Variants in CFAP47 observed in about 807,000 individuals in gnomAD.
The protein encoded by CFAP47 is cilia and flagella associated protein 47.
Under a neutral mutation model 148.1 loss-of-function variants are expected in CFAP47, and 29 were observed. That is an observed-to-expected ratio of 0.20 (90% CI 0.15 to 0.27). The LOEUF (loss-of-function observed/expected upper bound fraction) is 0.27. Ranked by LOEUF, CFAP47 falls within the 10% of genes least tolerant of loss-of-function variation. The probability of loss-of-function intolerance (pLI) is 1.00; values close to 1 mark genes in which losing one functional copy is unlikely to be tolerated. For missense variants in CFAP47, 1,872 were observed against 1,697.5 expected (o/e 1.10, Z -1.81); for synonymous variants, 664 against 577.3 (o/e 1.15, Z -2.15).
rs184822955 is a variant in CFAP47, at chrX:35,963,262, C to T, written c.1411-3303C>T. On this transcript the variant is annotated intron_variant, in intron 8 of 63. Coordinates refer to ENST00000378653, the MANE Select transcript of CFAP47 (RefSeq NM_001304548.2). ...GAGAGTCTATTGTACAGAATGGTGG[C>T]TATGGTTAATAAAAGGGTATAAATA... 5.6e-3 allele frequency among the ~76,000 whole-genome samples: 608 copies of T among 109,455 alleles called. 6 individuals carry two copies. The highest frequency in any genetic ancestry group is 0.019 in the African/African-American group (583 of 30,152).
At chrX:36,305,597 A>G (rs1556008650) in intron 54 of CFAP47, among the ~76,000 whole-genome samples, 1 of 111,745 alleles carries the variant, frequency 8.9e-6, no homozygotes. Context: ...TTTATGAGAA[A>G]AATACTATCA....
chrX:36,237,331 ATTTATTTTAT>A (rs1193290059), intron 48 of CFAP47, among the ~76,000 whole-genome samples: 40 of 111,149 alleles, frequency 3.6e-4, no homozygotes, highest in African/African-American at 8.2e-4. Context: ...TTTAGGTTTT[ATTTATTTTAT>A]TTTATTTTAT....
At chrX:36,126,674 T>A (rs1304344343) in intron 33 of CFAP47, among the ~76,000 whole-genome samples, 2 of 112,365 alleles carry the variant, frequency 1.8e-5, no homozygotes, top group Non-Finnish European at 3.8e-5. Flanking sequence ...ATCACCACAC[T>A]GTCTTCCACA....
At chrX:35,924,284 T>A (rs145197893) in intron 1 of CFAP47, among the ~76,000 whole-genome samples, 1 of 105,847 alleles carries the variant, frequency 9.4e-6, no homozygotes, top group African/African-American at 3.7e-5. Context: ...TGTGTATATG[T>A]ACATGTATGT....
At chrX:35,979,725 A>C (rs1415014562) in intron 15 of CFAP47, among the ~76,000 whole-genome samples, 1 of 111,742 alleles carries the variant, frequency 8.9e-6, no homozygotes. Flanking sequence ...ATAGTATTTT[A>C]ACAAAGAGCA....
chrX:36,350,042 G>C lies in CFAP47; in HGVS notation c.8608G>C (p.Val2870Leu), dbSNP rs1360238211. Residue 2870 changes from valine to leucine, a missense_variant, in exon 59 of 64, where the codon GTG (valine) becomes CTG (leucine). Coordinates refer to ENST00000378653, the MANE Select transcript of CFAP47 (RefSeq NM_001304548.2). ...DELDIKFKSI[V>L]GIDSEEIQAI... ...AATATTTTAATTTCTAATTAGTATT[G>C]TGGGAATCGACAGCGAAGAAATCCA... 8.0e-6 allele frequency: 9 copies of C among 1,130,320 alleles called. No homozygotes were observed. The highest frequency in any genetic ancestry group is 1.1e-5 in the Non-Finnish European group (9 of 842,860). The allele number at this position is 1,130,320 out of a possible 1,213,427, so 93.2% of individuals were successfully genotyped here. A position where few individuals can be genotyped will look rare whatever the true frequency, so the allele number is the denominator to read the frequency against.
At chrX:35,955,663 C>A (rs914303129) in intron 7 of CFAP47, among the ~76,000 whole-genome samples, 4 of 112,000 alleles carry the variant, frequency 3.6e-5, no homozygotes, top group African/African-American at 1.3e-4. Context: ...TTACCTTTAC[C>A]CATAATACTT....
intron 30 of CFAP47, among the ~76,000 whole-genome samples, chrX:36,096,724 CT>C (rs1323885591): frequency 9.1e-6 from 1 of 109,717 alleles, no homozygotes; most frequent in Non-Finnish European, 1.9e-5. Context: ...TATGTTCAGT[CT>C]ATGTGCATCT....
At chrX:36,225,111 G>A (rs1425213367) in intron 45 of CFAP47, among the ~76,000 whole-genome samples, 1 of 110,762 alleles carries the variant, frequency 9.0e-6, no homozygotes, top group Non-Finnish European at 1.9e-5. Flanking sequence ...CTTGACAATT[G>A]CCACACTTGT....
At chrX:36,025,171 T>C (rs1441888473) in intron 22 of CFAP47, among the ~76,000 whole-genome samples, 2 of 111,663 alleles carry the variant, frequency 1.8e-5, no homozygotes, top group Admixed American at 9.5e-5. Flanking sequence ...TATAATACTT[T>C]TTTTCTTATT....
chrX:36,169,746 G>A (rs910540537), intron 39 of CFAP47, among the ~76,000 whole-genome samples: 4 of 110,889 alleles, frequency 3.6e-5, no homozygotes, highest in Non-Finnish European at 7.5e-5. Flanking sequence ...CAACACATGG[G>A]CATCTTTTCC....
intron 39 of CFAP47, among the ~76,000 whole-genome samples, chrX:36,162,209 G>A (rs779474603): frequency 1.2e-3 from 130 of 112,051 alleles, no homozygotes; most frequent in Middle Eastern, 4.7e-3. Flanking sequence ...TAAGGGGTTT[G>A]TGGTTTGATA....
In CFAP47 at chrX:36,160,750, C is replaced by T. The variant is rs1939419694; in HGVS notation, c.6007C>T (p.His2003Tyr). 8 of 293,898 alleles carry T rather than the reference C, an allele frequency of 2.7e-5. No individual in the cohort carries two copies. Among genetic ancestry groups the T allele is most frequent in the Non-Finnish European group, 4.1e-5 (7 of 169,131 alleles). The allele number at this position is 293,898 out of a possible 1,213,427, so 24.2% of individuals were successfully genotyped here. A position where few individuals can be genotyped will look rare whatever the true frequency, so the allele number is the denominator to read the frequency against. Residue 2003 changes from histidine to tyrosine, a missense_variant, in exon 39 of 64, where the codon CAT becomes TAT. Transcript: ENST00000378653. Reference protein sequence around the residue: ...EVTVNVKNPFHTAGDFSVILV... With the variant: ...EVTVNVKNPFYTAGDFSVILV... Reference sequence around the variant, plus strand: ...CACTGTAAATGTGAAAAACCCCTTCCATACGGCTGGGGACTTCAGGTAAGT... The same window carrying T: ...CACTGTAAATGTGAAAAACCCCTTCTATACGGCTGGGGACTTCAGGTAAGT...
chrX:36,105,481 T>G (rs759199081), intron 33 of CFAP47, among the ~76,000 whole-genome samples: 1 of 112,089 alleles, frequency 8.9e-6, no homozygotes, highest in African/African-American at 3.2e-5. Flanking sequence ...AGGGGAAGAT[T>G]AAGAGTTCAG....
chrX:36,343,444 C>T (rs962738718), intron 57 of CFAP47, among the ~76,000 whole-genome samples: 7 of 111,478 alleles, frequency 6.3e-5, no homozygotes, highest in Non-Finnish European at 1.1e-4. Flanking sequence ...CAGATGCTGG[C>T]GAGGATGTGG....
chrX:36,109,347 T>C (rs1938516114), intron 33 of CFAP47, among the ~76,000 whole-genome samples: 1 of 112,159 alleles, frequency 8.9e-6, no homozygotes, highest in Non-Finnish European at 1.9e-5. Flanking sequence ...AGTTCCATTT[T>C]TAGGTCTTTG....
intron 15 of CFAP47, among the ~76,000 whole-genome samples, chrX:35,976,569 G>T (rs1163207518): frequency 9.0e-6 from 1 of 111,276 alleles, no homozygotes; most frequent in Non-Finnish European, 1.9e-5. Context: ...ATCTGGACTG[G>T]AGTTTAACCA....
intron 43 of CFAP47, 94 bp downstream of exon 43, chrX:36,200,587 T>C (rs1939969168): frequency 3.5e-6 from 1 of 285,687 alleles, no homozygotes; most frequent in Admixed American, 6.3e-5. Flanking sequence ...AAGCTTCTCT[T>C]CTGTGTGTTT....
At chrX:36,166,979 G>T (rs1278600652) in intron 39 of CFAP47, among the ~76,000 whole-genome samples, 1 of 111,416 alleles carries the variant, frequency 9.0e-6, no homozygotes, top group African/African-American at 3.3e-5. Flanking sequence ...TGGGGTGGGG[G>T]TGGATAAGTT....
Sources: allele counts gnomAD v4.1 joint callset (sites outside exome capture counted in the v4.1 genomes callset), GRCh38; gene constraint gnomAD v4.1.1; transcripts MANE v1.5; gene names NCBI Gene and HGNC (gene_info 2026-07-23, HGNC 2026-07-21).